Variants in HDAC9 observed in about 807,000 individuals in gnomAD.
The protein encoded by HDAC9 is MEF-2 interacting transcription repressor (MITR) protein.
A neutral mutation model predicts 139.4 loss-of-function variants in HDAC9; 41 were observed. The ratio of observed to expected loss-of-function variants is 0.29; its 90% CI spans 0.23 to 0.38. HDAC9 has a LOEUF of 0.38. Among genes scored for constraint, HDAC9 ranks in the 10% least tolerant of loss-of-function variants. HDAC9 has a pLI of 1.00. For synonymous variants in HDAC9, 517 were observed against 476.2 expected, an observed-to-expected ratio of 1.09 and a Z score of -1.12; for missense variants, 1,147 against 1,297.0, an observed-to-expected ratio of 0.88 and a Z score of 1.78.
chr7:18,410,020 T>G (rs1384741997), intron 1 of HDAC9, among the ~76,000 whole-genome samples: 2 of 135,756 alleles, frequency 1.5e-5, no homozygotes, highest in African/African-American at 6.3e-5. Flanking sequence ...TCTTTACCCA[T>G]TTTTTTTTGG....
chr7:18,385,947 A>G (rs1471041146), intron 1 of HDAC9, among the ~76,000 whole-genome samples: 1 of 152,052 alleles, frequency 6.6e-6, no homozygotes, highest in Non-Finnish European at 1.5e-5. Flanking sequence ...CATATACCCA[A>G]AACTACCTTT....
Position 18,591,571 on chromosome 7 carries a change from A to G in HDAC9, c.471A>G (p.Lys157=). The G allele has an allele frequency of 6.2e-7, 1 of 1,613,168 alleles. No homozygotes were observed. Among genetic ancestry groups the G allele is most frequent in the East Asian group, 2.2e-5 (1 of 44,842 alleles). ...AGCTTCAAGAGTTCCTACTGAGTAA[A>G]TCAGCAACGAAAGACACTCCAACTA... is the stretch of plus-strand genomic sequence containing the variant. The part of the protein sequence containing the change: ...KQKLQEFLLS[K]SATKDTPTNG... The change falls in exon 5 of 26, where the codon AAA becomes AAG. Residue 157 remains lysine, a synonymous_variant. Coordinates refer to ENST00000686413, the MANE Select transcript of HDAC9 (RefSeq NM_178425.4).
chr7:18,360,839 A>G (rs1052121507), intron 1 of HDAC9, among the ~76,000 whole-genome samples: 1 of 152,212 alleles, frequency 6.6e-6, no homozygotes, highest in Admixed American at 6.5e-5. Flanking sequence ...TTGTTTATAC[A>G]TAATAGTTGA....
chr7:18,831,405 G>A (rs906343288), intron 19 of HDAC9, among the ~76,000 whole-genome samples: 8 of 152,130 alleles, frequency 5.3e-5, no homozygotes, highest in Non-Finnish European at 8.8e-5. Flanking sequence ...AATCTGATAC[G>A]ATTTATAAAA....
At chr7:18,087,839 A>G (rs1781891355) in intron 1 of HDAC9, 1 of 152,378 alleles carries the variant, frequency 6.6e-6, no homozygotes, top group Admixed American at 6.5e-5. Flanking sequence ...AGCGCCTAGC[A>G]GGCTGCGTTT....
intron 4 of HDAC9, 83 bp from the exon 5 acceptor site, chr7:18,591,433 G>A (rs1276822659): frequency 8.2e-6 from 12 of 1,457,680 alleles, no homozygotes; most frequent in Non-Finnish European, 1.1e-5. Flanking sequence ...CTAGAGGCAT[G>A]AGAGGACAAA....
chr7:18,686,445 T>C (rs1782277429), intron 12 of HDAC9, among the ~76,000 whole-genome samples: 1 of 151,936 alleles, frequency 6.6e-6, no homozygotes, highest in South Asian at 2.1e-4. Flanking sequence ...TTAATTCTTC[T>C]ATTCATCTCT....
At chr7:18,254,411 GCAAA>G (rs1413142672) in intron 2 of HDAC9, among the ~76,000 whole-genome samples, 1 of 152,138 alleles carries the variant, frequency 6.6e-6, no homozygotes, top group Non-Finnish European at 1.5e-5. Context: ...TTGCTTTGAA[GCAAA>G]CAATTATATA....
intron 21 of HDAC9, among the ~76,000 whole-genome samples, chr7:18,857,968 CTG>C (rs749494703): frequency 6.6e-6 from 1 of 152,234 alleles, no homozygotes; most frequent in Non-Finnish European, 1.5e-5. Context: ...GTACTAATAA[CTG>C]TGGAGTATTA....
Position 18,996,112 on chromosome 7 carries a change from C to T in HDAC9, c.*50C>T, listed in dbSNP as rs752182152. On this transcript the variant is annotated 3_prime_UTR_variant, in exon 26 of 26. Coordinates refer to ENST00000686413, the MANE Select transcript of HDAC9 (RefSeq NM_178425.4). ...TCCTGTGTGTGACATCATTGTGTAT[C>T]CCCCCACCCCAGTACCCTCAGACAT... is the stretch of plus-strand genomic sequence containing the variant. The T allele has an allele frequency of 2.9e-6, 4 of 1,370,116 alleles. No individual in the cohort carries two copies. The highest frequency in any genetic ancestry group is 4.8e-5 in the East Asian group (2 of 42,094). The allele number at this position is 1,370,116 out of a possible 1,614,324, so 84.9% of individuals were successfully genotyped here.
chr7:18,759,739 C>G (rs1030002136), intron 14 of HDAC9, among the ~76,000 whole-genome samples: 1 of 152,096 alleles, frequency 6.6e-6, no homozygotes, highest in African/African-American at 2.4e-5. Flanking sequence ...AGCACTTCAG[C>G]TACTGTCAAT....
At chr7:18,963,821 T>C (rs905195024) in intron 24 of HDAC9, among the ~76,000 whole-genome samples, 1 of 152,214 alleles carries the variant, frequency 6.6e-6, no homozygotes, top group African/African-American at 2.4e-5. Context: ...TGTCATAGAA[T>C]TGTTGACTTG....
chr7:18,501,821 C>A (rs1798453887), intron 2 of HDAC9, among the ~76,000 whole-genome samples: 1 of 152,040 alleles, frequency 6.6e-6, no homozygotes, highest in Admixed American at 6.6e-5. Context: ...ACAAAGCTAC[C>A]ATGTCAAAAT....
chr7:18,955,383 C>T (rs1402827345), intron 24 of HDAC9, among the ~76,000 whole-genome samples: 1 of 152,112 alleles, frequency 6.6e-6, no homozygotes, highest in East Asian at 1.9e-4. Flanking sequence ...TGATCTTTGA[C>T]AGCATTCTTC....
At chr7:18,144,751 TCTC>T (rs993188234) in intron 1 of HDAC9, among the ~76,000 whole-genome samples, 4 of 152,114 alleles carry the variant, frequency 2.6e-5, no homozygotes, top group African/African-American at 9.7e-5. Flanking sequence ...TCTCTTTCCA[TCTC>T]CTCTCCAGCC....
chr7:18,584,957 T>G (rs1394658846), intron 2 of HDAC9, among the ~76,000 whole-genome samples: 1 of 152,060 alleles, frequency 6.6e-6, no homozygotes, highest in Non-Finnish European at 1.5e-5. Context: ...CTCGTTGACT[T>G]GATTTTTGTT....
At chr7:18,907,535 A>G (rs1802369938) in intron 22 of HDAC9, among the ~76,000 whole-genome samples, 1 of 152,218 alleles carries the variant, frequency 6.6e-6, no homozygotes. Flanking sequence ...TTGTGATGTC[A>G]TATTATTTGA....
At chr7:18,911,410 C>T (rs993458726) in intron 22 of HDAC9, among the ~76,000 whole-genome samples, 6 of 151,374 alleles carry the variant, frequency 4.0e-5, no homozygotes, top group African/African-American at 1.5e-4. Flanking sequence ...ATTTGGATCT[C>T]GTCTCCTTTT....
At chr7:18,831,477 G>T (rs1795852988) in intron 19 of HDAC9, among the ~76,000 whole-genome samples, 1 of 152,080 alleles carries the variant, frequency 6.6e-6, no homozygotes, top group Non-Finnish European at 1.5e-5. Context: ...TTATGTATTT[G>T]CTCCATTATC....
Sources: gnomAD v4.1 joint callset for allele counts (sites outside exome capture counted in the v4.1 genomes callset) on GRCh38, gnomAD v4.1.1 for gene constraint, MANE v1.5 for transcripts, NCBI Gene and HGNC (gene_info 2026-07-23, HGNC 2026-07-21) for gene names.